The following MON2 variants were observed in gnomAD, a reference collection of about 807,000 sequenced individuals.
The protein encoded by MON2 is MON2 regulator of endosome-to-Golgi trafficking, also known as protein MON2 homolog.
A neutral mutation model predicts 208.6 loss-of-function variants in MON2; 84 were observed. The ratio of observed to expected loss-of-function variants is 0.40; its 90% CI spans 0.34 to 0.48. The LOEUF is 0.48. Ranked by LOEUF, MON2 falls within the 20% of genes least tolerant of loss-of-function variation. MON2 has a pLI of 0.59. For synonymous variants in MON2, 660 were observed against 694.0 expected (o/e 0.95, Z 0.77); for missense variants, 1,611 against 2,015.4 (o/e 0.80, Z 3.84).
chr12:62,580,208 T>C lies in MON2; in HGVS notation c.4576-89T>C, dbSNP rs1592456087. ...AGGAGAGTTCTTTAACTGATTTTCATTTAAAGTAAAATTTAAATTTTACTC... is the reference window on the plus strand; with the variant it reads ...AGGAGAGTTCTTTAACTGATTTTCACTTAAAGTAAAATTTAAATTTTACTC... On this transcript the variant is annotated intron_variant, in intron 31 of 34. Coordinates refer to ENST00000393630, the MANE Select transcript of MON2 (RefSeq NM_015026.3). 6 of 1,292,664 alleles carry C rather than the reference T, an allele frequency of 4.6e-6. No individual in the cohort carries two copies. In the East Asian group the frequency reaches 1.5e-4, roughly 32 times the overall value. The allele number at this position is 1,292,664 out of a possible 1,614,324, so 80.1% of individuals were successfully genotyped here. A position where few individuals can be genotyped will look rare whatever the true frequency, so the allele number is the denominator to read the frequency against.
In MON2 at chr12:62,580,308, T is replaced by C. The variant is rs1446407577; in HGVS notation, c.4587T>C (p.Leu1529=). 4 of 1,610,592 alleles carry C rather than the reference T, an allele frequency of 2.5e-6. No homozygotes were observed. The highest frequency in any genetic ancestry group is 2.5e-6 in the Non-Finnish European group (3 of 1,178,208). The change falls in exon 32 of 35, where the codon CTT becomes CTC. Residue 1529 remains leucine, a synonymous_variant. Coordinates refer to ENST00000393630, the MANE Select transcript of MON2 (RefSeq NM_015026.3). ...CTCTTTTGTTTTAGGTAGTTCAACT[T>C]ATCAGCAATGAGATACTACCTTATG... is the stretch of plus-strand genomic sequence containing the variant. ...NENIDVEVVQ[L]ISNEILPYAN... is the part of the protein sequence containing the mutation.
At chr12:62,470,828 T>G (rs1448369914) in intron 1 of MON2, 1 of 791,682 alleles carries the variant, frequency 1.3e-6, no homozygotes, top group Non-Finnish European at 1.6e-6. Flanking sequence ...ATTGGAGCCA[T>G]TAGAGCTTTT....
At chr12:62,545,249 C>T (rs143140806) in intron 21 of MON2, among the ~76,000 whole-genome samples, 1 of 151,784 alleles carries the variant, frequency 6.6e-6, no homozygotes, top group Admixed American at 6.6e-5. Context: ...TGGAATTGGT[C>T]TCACGTTCAT....
rs752667249 is a variant in MON2 at position 62,501,637 on chromosome 12, G to A, written c.728G>A (p.Arg243Gln). Residue 243 changes from arginine to glutamine, a missense_variant, in exon 7 of 35, where the codon CGG (arginine) becomes CAG (glutamine). Arg to Gln is a conservative substitution (Grantham distance 43). Coordinates refer to ENST00000393630, the MANE Select transcript of MON2 (RefSeq NM_015026.3). ...YWLVGMTEMT[R>Q]TFGLELLESV... ...CTAGTGGGCATGACAGAAATGACTC[G>A]GACGTTTGGCCTCGAATTACTTGAG... 1.9e-6 allele frequency: 3 copies of A among 1,614,044 alleles called. No individual in the cohort carries two copies. The highest frequency in any genetic ancestry group is 1.7e-6 in the Non-Finnish European group (2 of 1,179,940).
In MON2 at chr12:62,571,449, C is replaced by G. The variant is rs376842498; in HGVS notation, c.4381C>G (p.Leu1461Val). ...CTGCCCTTCTGAAAGCACATGGAAA[C>G]TAGCAGTATCCTCTCTCCTCAGAGT... ...YSCPSESTWK[L>V]AVSSLLRVLS... The change falls in exon 30 of 35, where the codon CTA (leucine) becomes GTA (valine). Residue 1461 changes from leucine (L) to valine (V), a missense_variant. Transcript: ENST00000393630. The G allele has an allele frequency of 1.2e-6, 2 of 1,613,170 alleles. No homozygotes were observed. Among genetic ancestry groups the G allele is most frequent in the African/African-American group, 1.3e-5 (1 of 74,912 alleles).
intron 33 of MON2, among the ~76,000 whole-genome samples, chr12:62,586,903 A>G (rs2075237544): frequency 1.3e-5 from 2 of 152,168 alleles, no homozygotes; most frequent in Non-Finnish European, 2.9e-5. Context: ...TGTCCTATGA[A>G]GTTATATTGT....
At chr12:62,545,765 A>T (rs2073455435) in intron 21 of MON2, 1 of 152,200 alleles carries the variant, frequency 6.6e-6, no homozygotes, top group Admixed American at 6.5e-5. Context: ...TTAACACATA[A>T]TTATTGAATA....
chr12:62,538,462 C>T lies in MON2; in HGVS notation c.2321C>T (p.Ser774Phe), dbSNP rs774567529. The change falls in exon 19 of 35, where the codon TCC (serine) becomes TTC (phenylalanine). Residue 774 changes from serine (S) to phenylalanine (F), a missense_variant. By Grantham distance (155) the Ser-to-Phe change is radical. Transcript: ENST00000393630. The part of the protein sequence containing the change: ...SLHHLINALC[S>F]LSLEAMDMAY... ...CATCATTTAATAAATGCACTTTGCTCCTTGTCTCTAGAAGCAATGGATATG... is the reference window on the plus strand; with the variant it reads ...CATCATTTAATAAATGCACTTTGCTTCTTGTCTCTAGAAGCAATGGATATG... 6.2e-7 allele frequency: 1 copy of T among 1,611,296 alleles called. No homozygotes were observed. Among genetic ancestry groups the T allele is most frequent in the Non-Finnish European group, 8.5e-7 (1 of 1,177,990 alleles).
chr12:62,509,939 T>C (rs2071309083), intron 8 of MON2, among the ~76,000 whole-genome samples: 1 of 150,256 alleles, frequency 6.7e-6, no homozygotes, highest in Non-Finnish European at 1.5e-5. Flanking sequence ...GAGAAAATAC[T>C]CAAATAACTA....
At chr12:62,524,899 A>AT (rs1220399879) in intron 9 of MON2, among the ~76,000 whole-genome samples, 185 bp from the exon 10 acceptor site, 3 of 152,108 alleles carry the variant, frequency 2.0e-5, no homozygotes, top group Non-Finnish European at 2.9e-5. Flanking sequence ...AGCCAAAATA[A>AT]TTTTTTTAGA....
At chr12:62,529,659 C>G (rs529012137) in intron 11 of MON2, among the ~76,000 whole-genome samples, 1 of 152,132 alleles carries the variant, frequency 6.6e-6, no homozygotes, top group East Asian at 1.9e-4. Flanking sequence ...TACCTAATTC[C>G]AGAAAGTTTT....
chr12:62,586,879 G>T (rs1409024109), intron 33 of MON2, among the ~76,000 whole-genome samples: 1 of 151,856 alleles, frequency 6.6e-6, no homozygotes, highest in Non-Finnish European at 1.5e-5. Context: ...TTTAAATTGA[G>T]CCTTATTTAT....
At chr12:62,580,679 T>G (rs2074974034) in intron 32 of MON2, among the ~76,000 whole-genome samples, 1 of 152,180 alleles carries the variant, frequency 6.6e-6, no homozygotes, top group Non-Finnish European at 1.5e-5. Context: ...TGAACTAAAT[T>G]TTTTAAATAT....
Position 62,592,645 on chromosome 12 carries a change from AC to A in MON2, c.5052del (p.Cys1685ValfsTer14). The A allele has an allele frequency of 6.2e-7, 1 of 1,612,380 alleles. No homozygotes were observed. The highest frequency in any genetic ancestry group is 8.5e-7 in the Non-Finnish European group (1 of 1,178,682). On this transcript the variant is annotated frameshift_variant, in exon 35 of 35. Transcript: ENST00000393630. LOFTEE classifies it high-confidence loss of function. Reference sequence around the variant, plus strand: ...ATACCCAACTTTAGTAGAATGCATCACCTGTTCTTCTTCAGAAGTCTGTTCT... The same window carrying A: ...ATACCCAACTTTAGTAGAATGCATCACTGTTCTTCTTCAGAAGTCTGTTCT... The part of the protein sequence containing the change: ...ALYPTLVECI[T>X]CSSSEVCSAL...
intron 33 of MON2, 109 bp downstream of exon 33, chr12:62,585,610 A>G: frequency 1.2e-6 from 1 of 813,550 alleles, no homozygotes; most frequent in Non-Finnish European, 1.9e-6. Context: ...AACTAAGCTG[A>G]AGTTGTTTAT....
chr12:62,490,012 C>T (rs1347573804), intron 2 of MON2: 2 of 1,205,830 alleles, frequency 1.7e-6, no homozygotes, highest in East Asian at 6.1e-5. Context: ...AGTGGGGTAT[C>T]CTAGTTTAAT....
chr12:62,575,547 AT>A (rs2074741299), intron 30 of MON2, among the ~76,000 whole-genome samples: 1 of 152,196 alleles, frequency 6.6e-6, no homozygotes, highest in Admixed American at 6.5e-5. Context: ...ATACTTGATT[AT>A]TTTTTATATT....
chr12:62,521,649 C>T (rs1214796134), intron 8 of MON2, among the ~76,000 whole-genome samples: 1 of 152,086 alleles, frequency 6.6e-6, no homozygotes, highest in Non-Finnish European at 1.5e-5. Context: ...TTTAAAGGTT[C>T]TGTTAATACA....
chr12:62,584,008 C>G (rs1234408372), intron 32 of MON2, among the ~76,000 whole-genome samples: 1 of 148,258 alleles, frequency 6.7e-6, no homozygotes, highest in African/African-American at 2.5e-5. Context: ...AATTCTCAGA[C>G]GCAGTATTGG....
Sources: allele counts gnomAD v4.1 joint callset (sites outside exome capture counted in the v4.1 genomes callset), GRCh38; gene constraint gnomAD v4.1.1; transcripts MANE v1.5; gene names NCBI Gene and HGNC (gene_info 2026-07-23, HGNC 2026-07-21).